Variants in EXOC2 observed in about 807,000 individuals in gnomAD.
EXOC2 encodes exocyst complex component 2, also known as SEC5-like 1.
A neutral mutation model predicts 131.8 loss-of-function variants in EXOC2; 70 were observed. That is an observed-to-expected ratio of 0.53 (90% CI 0.44 to 0.65). The LOEUF is 0.65. EXOC2 is among the 30% of genes least tolerant of loss of function. The pLI, the probability that EXOC2 is intolerant of heterozygous loss-of-function variation, is 0.00. For synonymous variants in EXOC2, 411 were observed against 398.4 expected, an observed-to-expected ratio of 1.03 and a Z score of -0.38; for missense variants, 923 against 1,108.6, an observed-to-expected ratio of 0.83 and a Z score of 2.38.
intron 11 of EXOC2, among the ~76,000 whole-genome samples, chr6:589,911 C>T (rs1759439154): frequency 6.6e-6 from 1 of 152,178 alleles, no homozygotes; most frequent in Non-Finnish European, 1.5e-5. Context: ...TCGAGACCAT[C>T]CTGGCTAACA....
chr6:633,859 G>A (rs1292096701), intron 2 of EXOC2, among the ~76,000 whole-genome samples: 3 of 152,056 alleles, frequency 2.0e-5, no homozygotes, highest in African/African-American at 7.2e-5. Context: ...ACAAAATTTA[G>A]GTAATAACCA....
intron 1 of EXOC2, among the ~76,000 whole-genome samples, chr6:673,081 G>A (rs1445590463): frequency 6.6e-6 from 1 of 151,808 alleles, no homozygotes; most frequent in African/African-American, 2.4e-5. Flanking sequence ...CCAACATGGT[G>A]AAACCCCATC....
intron 1 of EXOC2, among the ~76,000 whole-genome samples, chr6:640,359 T>C (rs573634261): frequency 2.6e-5 from 4 of 152,234 alleles, no homozygotes; most frequent in South Asian, 2.1e-4. Flanking sequence ...ACCCCCAACA[T>C]TGGACAGCCA....
Position 576,766 on chromosome 6 carries a change from G to A in EXOC2, c.1309C>T (p.Arg437Ter), listed in dbSNP as rs754717014. Residue 437 changes from arginine (R) to a stop codon, truncating the protein, a stop_gained, in exon 12 of 28, where the codon CGA becomes TGA. Transcript: ENST00000230449. LOFTEE classifies it high-confidence loss of function. ...LKRGSSFQSG[R>*]DDTWRYKTPH... ...GGAGGGAGATACTTACTGTCGTCTC[G>A]ACCAGACTGAAAGCTGCTGCCCCTC... 10 of 1,613,634 alleles carry A rather than the reference G, an allele frequency of 6.2e-6. No individual in the cohort carries two copies. The highest frequency in any genetic ancestry group is 1.1e-5 in the South Asian group (1 of 90,982).
chr6:528,165 AC>A (rs1249759478), intron 23 of EXOC2, among the ~76,000 whole-genome samples: 1 of 152,206 alleles, frequency 6.6e-6, no homozygotes, highest in Admixed American at 6.5e-5. Flanking sequence ...AAACATCGCT[AC>A]GGCTTTAACG....
chr6:655,173 C>T (rs142479995), intron 1 of EXOC2, among the ~76,000 whole-genome samples: 4 of 152,280 alleles, frequency 2.6e-5, no homozygotes, highest in African/African-American at 9.6e-5. Context: ...TAAGAAATTG[C>T]CACAGCTACC....
chr6:639,214 G>A (rs892097589), intron 1 of EXOC2, among the ~76,000 whole-genome samples: 1 of 152,180 alleles, frequency 6.6e-6, no homozygotes, highest in East Asian at 1.9e-4. Context: ...GCTGACCAGG[G>A]ATTTGGGGTA....
chr6:537,158 G>A (rs1426972278), intron 22 of EXOC2, among the ~76,000 whole-genome samples: 6 of 151,962 alleles, frequency 3.9e-5, no homozygotes, highest in African/African-American at 1.5e-4. Context: ...GTTTATGACC[G>A]ACGGAGCGTA....
chr6:555,854 C>A (rs1253467321), intron 19 of EXOC2, 100 bp downstream of exon 19: 17 of 1,161,844 alleles, frequency 1.5e-5, no homozygotes, highest in Non-Finnish European at 2.0e-5. Context: ...AAAAAGAATA[C>A]CTATTTGGTG....
chr6:531,035 C>G (rs558778235), intron 23 of EXOC2, among the ~76,000 whole-genome samples: 1 of 152,170 alleles, frequency 6.6e-6, no homozygotes. Flanking sequence ...CTTGAGCATC[C>G]GTGGAATCTG....
intron 1 of EXOC2, among the ~76,000 whole-genome samples, chr6:646,332 C>A (rs1220633757): frequency 6.6e-6 from 1 of 151,816 alleles, no homozygotes; most frequent in Non-Finnish European, 1.5e-5. Context: ...GACAGATGGA[C>A]AGAATGATAC....
At chr6:671,032 T>C (rs1763838188) in intron 1 of EXOC2, among the ~76,000 whole-genome samples, 1 of 114,116 alleles carries the variant, frequency 8.8e-6, no homozygotes, top group African/African-American at 3.4e-5. Flanking sequence ...CTGGGTAACA[T>C]CATGAGACTC....
chr6:518,669 A>C (rs1765295581), intron 23 of EXOC2, among the ~76,000 whole-genome samples: 1 of 152,238 alleles, frequency 6.6e-6, no homozygotes, highest in Non-Finnish European at 1.5e-5. Context: ...ATGGTTTTAC[A>C]GCACTGACTC....
At chr6:654,783 G>A (rs575965063) in intron 1 of EXOC2, among the ~76,000 whole-genome samples, 86 of 97,670 alleles carry the variant, frequency 8.8e-4, no homozygotes, top group African/African-American at 2.9e-3. Flanking sequence ...CAGTCTGGGT[G>A]ACAGAGTAAG....
At chr6:617,523 A>T (rs2294667) in intron 6 of EXOC2, among the ~76,000 whole-genome samples, 188 bp downstream of exon 6, 19,369 of 152,330 alleles carry the variant, frequency 0.13, 1,354 homozygotes, top group East Asian at 0.15. Context: ...AAAGCCTCAG[A>T]GATAAATTTT....
At chr6:616,239 C>T (rs1760991389) in intron 6 of EXOC2, among the ~76,000 whole-genome samples, 1 of 152,160 alleles carries the variant, frequency 6.6e-6, no homozygotes, top group African/African-American at 2.4e-5. Context: ...AAACATAAGG[C>T]ACACATATTT....
At chr6:599,948 A>G (rs1327045672) in intron 7 of EXOC2, among the ~76,000 whole-genome samples, 1 of 152,184 alleles carries the variant, frequency 6.6e-6, no homozygotes, top group East Asian at 1.9e-4. Context: ...GTGTACAAAA[A>G]CAGTTTAAAT....
At chr6:505,287 C>A (rs1356485446) in intron 23 of EXOC2, among the ~76,000 whole-genome samples, 1 of 152,164 alleles carries the variant, frequency 6.6e-6, no homozygotes, top group Non-Finnish European at 1.5e-5. Context: ...ATACTTTGCA[C>A]TGGTGTTGAG....
chr6:645,540 T>C (rs914680785), intron 1 of EXOC2, among the ~76,000 whole-genome samples: 3 of 151,994 alleles, frequency 2.0e-5, no homozygotes, highest in African/African-American at 7.2e-5. Flanking sequence ...AAGGACTTTA[T>C]ACAAACAACA....
Sources: gnomAD v4.1 joint callset for allele counts (sites outside exome capture counted in the v4.1 genomes callset) on GRCh38, gnomAD v4.1.1 for gene constraint, MANE v1.5 for transcripts, NCBI Gene and HGNC (gene_info 2026-07-23, HGNC 2026-07-21) for gene names.